EFR3A: variants seen among roughly 807,000 people sequenced by gnomAD.
EFR3A encodes the protein EFR3 homolog A.
Under a neutral mutation model 104.4 loss-of-function variants are expected in EFR3A, and 76 were observed. The observed-to-expected ratio is 0.73, with a 90% confidence interval of 0.60 to 0.88. EFR3A has a LOEUF of 0.88. Among genes scored for constraint, EFR3A ranks in the 40% least tolerant of loss-of-function variants. The pLI, the probability that EFR3A is intolerant of heterozygous loss-of-function variation, is 0.00. For synonymous variants in EFR3A, 330 were observed against 330.0 expected (o/e 1.00, Z 0.00); for missense variants, 985 against 1,012.5 (o/e 0.97, Z 0.37).
intron 8 of EFR3A, among the ~76,000 whole-genome samples, chr8:131,967,758 GATA>G (rs1445269231): frequency 6.6e-6 from 1 of 151,966 alleles, no homozygotes; most frequent in African/African-American, 2.4e-5. Flanking sequence ...GGTACACATG[GATA>G]ATATTTTCAT....
At chr8:131,971,701 A>T (rs1385744130) in intron 10 of EFR3A, among the ~76,000 whole-genome samples, 4 of 152,000 alleles carry the variant, frequency 2.6e-5, no homozygotes, top group East Asian at 1.9e-4. Flanking sequence ...AAAAAAAAAA[A>T]ATTCAAGTTA....
intron 8 of EFR3A, among the ~76,000 whole-genome samples, chr8:131,965,952 A>C (rs1013923218): frequency 6.6e-6 from 1 of 152,108 alleles, no homozygotes; most frequent in South Asian, 2.1e-4. Flanking sequence ...TCAGCAAACT[A>C]TCGCAAGGAC....
intron 19 of EFR3A, among the ~76,000 whole-genome samples, chr8:131,999,055 T>C (rs1821649633): frequency 6.6e-6 from 1 of 152,122 alleles, no homozygotes; most frequent in African/African-American, 2.4e-5. Flanking sequence ...TATGCATAAC[T>C]GATATGAGTA....
intron 22 of EFR3A, among the ~76,000 whole-genome samples, chr8:132,010,405 GAGATATATAT>G (rs1385538889): frequency 0.017 from 1,504 of 87,982 alleles, 41 homozygotes; most frequent in African/African-American, 0.023. Context: ...AATCAAGTAT[GAGATATATAT>G]ATATATATAT....
intron 1 of EFR3A, chr8:131,935,538 T>A (rs1461630449): frequency 2.2e-6 from 1 of 444,916 alleles, no homozygotes; most frequent in African/African-American, 2.0e-5. Flanking sequence ...CATATGTCAG[T>A]CAATTTCTAT....
intron 15 of EFR3A, 28 bp downstream of exon 15, chr8:131,984,328 A>T: frequency 6.7e-7 from 1 of 1,482,664 alleles, no homozygotes; most frequent in Non-Finnish European, 9.0e-7. Context: ...TTCACTGCAG[A>T]AAACATTTTT....
chr8:131,986,789 CAAAA>C (rs10569128), intron 17 of EFR3A, among the ~76,000 whole-genome samples: 1 of 67,974 alleles, frequency 1.5e-5, no homozygotes, highest in Non-Finnish European at 3.1e-5. Flanking sequence ...GACTCCATCT[CAAAA>C]AAAAAAAAAA....
intron 1 of EFR3A, among the ~76,000 whole-genome samples, chr8:131,924,460 G>A (rs938811385): frequency 8.6e-5 from 13 of 152,042 alleles, no homozygotes; most frequent in Admixed American, 5.2e-4. Context: ...TATGTACAAG[G>A]TTGTCTAAAG....
chr8:131,971,581 G>A (rs906296246), intron 10 of EFR3A, among the ~76,000 whole-genome samples: 8 of 151,878 alleles, frequency 5.3e-5, no homozygotes, highest in Admixed American at 1.3e-4. Context: ...CCAGCTACGC[G>A]GGAGGCTGAG....
intron 10 of EFR3A, among the ~76,000 whole-genome samples, chr8:131,973,127 T>G (rs1820158829): frequency 6.6e-6 from 1 of 150,410 alleles, no homozygotes; most frequent in African/African-American, 2.5e-5. Flanking sequence ...TTCAACACAC[T>G]AACACAAAGT....
chr8:131,925,974 T>A lies in EFR3A; in HGVS notation c.11-14525T>A, dbSNP rs926972530. ...TTTAATGTTATTATTTTTTTTTGAG[T>A]TTTAAAATAAATGCAACAAGGTCAG... On this transcript the variant is annotated intron_variant, in intron 1 of 22. Transcript: ENST00000254624. Among the ~76,000 whole-genome samples, 20 of 152,164 alleles carry A rather than the reference T, an allele frequency of 1.3e-4. No individual in the cohort carries two copies. In the East Asian group the frequency reaches 3.7e-3, roughly 28 times the overall value.
chr8:132,002,261 A>G (rs1276687224), intron 20 of EFR3A, among the ~76,000 whole-genome samples: 1 of 152,220 alleles, frequency 6.6e-6, no homozygotes, highest in Non-Finnish European at 1.5e-5. Flanking sequence ...ACGTAGTTGT[A>G]TAAAAGAATC....
At chr8:131,904,795 G>A (rs1586503954) in intron 1 of EFR3A, among the ~76,000 whole-genome samples, 1 of 152,200 alleles carries the variant, frequency 6.6e-6, no homozygotes, top group African/African-American at 2.4e-5. Context: ...CCGTATCGCC[G>A]TCGGGGCGGC....
chr8:131,959,808 G>T, intron 8 of EFR3A, 145 bp downstream of exon 8: 1 of 521,758 alleles, frequency 1.9e-6, no homozygotes. Context: ...ATTTTCATTT[G>T]CTACTTATTT....
At chr8:131,914,935 G>A (rs556249031) in intron 1 of EFR3A, among the ~76,000 whole-genome samples, 1 of 152,236 alleles carries the variant, frequency 6.6e-6, no homozygotes, top group South Asian at 2.1e-4. Flanking sequence ...GTGTCAGTTT[G>A]CTAAGGATGA....
intron 12 of EFR3A, among the ~76,000 whole-genome samples, chr8:131,978,096 A>G (rs1396231011): frequency 6.6e-6 from 1 of 152,164 alleles, no homozygotes; most frequent in African/African-American, 2.4e-5. Context: ...GCCCAAATGT[A>G]AATGTTAAGT....
intron 22 of EFR3A, 122 bp from the exon 23 acceptor site, chr8:132,010,668 T>C (rs1822297587): frequency 8.4e-7 from 1 of 1,188,544 alleles, no homozygotes; most frequent in South Asian, 1.6e-5. Flanking sequence ...GTAACTACAA[T>C]GGCATTGATC....
chr8:131,983,683 G>A (rs560326506), intron 14 of EFR3A, among the ~76,000 whole-genome samples: 4 of 152,144 alleles, frequency 2.6e-5, no homozygotes, highest in Admixed American at 2.6e-4. Flanking sequence ...GCTCTTCTCT[G>A]TACGGCTAAC....
chr8:131,956,811 A>G (rs973182785), intron 7 of EFR3A, among the ~76,000 whole-genome samples: 2 of 152,182 alleles, frequency 1.3e-5, no homozygotes, highest in African/African-American at 2.4e-5. Flanking sequence ...ATTGAGATCT[A>G]TTGTTTAAAG....
Sources: allele counts gnomAD v4.1 joint callset (sites outside exome capture counted in the v4.1 genomes callset), GRCh38; gene constraint gnomAD v4.1.1; transcripts MANE v1.5; gene names NCBI Gene and HGNC (gene_info 2026-07-23, HGNC 2026-07-21).